ITGA3: variants seen among roughly 807,000 people sequenced by gnomAD.
The protein encoded by ITGA3 is integrin subunit alpha 3.
Under a neutral mutation model 131.1 loss-of-function variants are expected in ITGA3, and 70 were observed. The observed-to-expected ratio is 0.53, with a 90% CI of 0.44 to 0.65. The LOEUF is 0.65. ITGA3 is among the 30% of genes least tolerant of loss of function. ITGA3 has a pLI of 0.00. For synonymous variants in ITGA3, 537 were observed against 571.6 expected (o/e 0.94, Z 0.86); for missense variants, 1,098 against 1,388.6 (o/e 0.79, Z 3.33).
intron 3 of ITGA3, among the ~76,000 whole-genome samples, chr17:50,066,338 A>G (rs369131384): frequency 1.5e-5 from 2 of 137,640 alleles, no homozygotes; most frequent in African/African-American, 2.8e-5. Context: ...TTTTTCTCTT[A>G]GAGATGAGGT....
chr17:50,069,436 T>C (rs1179556763), intron 4 of ITGA3, among the ~76,000 whole-genome samples: 1 of 152,002 alleles, frequency 6.6e-6, no homozygotes, highest in Non-Finnish European at 1.5e-5. Flanking sequence ...AAAACTGAGG[T>C]GGGAGGATCA....
chr17:50,088,123 C>A, intron 24 of ITGA3, 102 bp from the exon 25 acceptor site: 1 of 1,423,888 alleles, frequency 7.0e-7, no homozygotes. Context: ...TGAGCCCCAG[C>A]CCCCAGGCTC....
At chr17:50,070,341 A>T (rs1350153092) in intron 4 of ITGA3, among the ~76,000 whole-genome samples, 1 of 152,086 alleles carries the variant, frequency 6.6e-6, no homozygotes, top group Non-Finnish European at 1.5e-5. Context: ...GTCATAATTT[A>T]ACCTCAAATA....
chr17:50,082,137 A>G (rs984658018), intron 23 of ITGA3, among the ~76,000 whole-genome samples: 1 of 151,592 alleles, frequency 6.6e-6, no homozygotes, highest in African/African-American at 2.4e-5. Flanking sequence ...ACAGCCATGT[A>G]CCACGATGCC....
chr17:50,071,147 G>A (rs766592990), intron 5 of ITGA3, among the ~76,000 whole-genome samples, 164 bp from the exon 6 acceptor site: 1 of 152,218 alleles, frequency 6.6e-6, no homozygotes, highest in Non-Finnish European at 1.5e-5. Flanking sequence ...AGGCAGAACT[G>A]GGCCATGGCT....
At position 50,074,126 on chromosome 17, in the gene ITGA3, A is replaced by C. The variant is rs1908767501; in HGVS notation, c.1246-18A>C. ...CTGCTCCCCAGAGCCTGCCCCCACCACTTTCCCCTGCCCCCAGGTAATCCA... is the reference window on the plus strand; with the variant it reads ...CTGCTCCCCAGAGCCTGCCCCCACCCCTTTCCCCTGCCCCCAGGTAATCCA... On this transcript the variant is annotated intron_variant, in intron 8 of 25. Transcript: ENST00000320031. 6.2e-7 allele frequency: 1 copy of C among 1,608,460 alleles called. No individual in the cohort carries two copies. Among genetic ancestry groups the C allele is most frequent in the African/African-American group, 1.4e-5 (1 of 74,048 alleles).
chr17:50,071,617 G>A (rs952367774), intron 6 of ITGA3, 99 bp downstream of exon 6: 42 of 1,139,630 alleles, frequency 3.7e-5, no homozygotes, highest in South Asian at 1.3e-4. Context: ...GCAGTTGTGC[G>A]GCTGTCTGCA....
chr17:50,059,457 G>A (rs931618880), intron 1 of ITGA3, among the ~76,000 whole-genome samples: 1 of 152,182 alleles, frequency 6.6e-6, no homozygotes, highest in Non-Finnish European at 1.5e-5. Flanking sequence ...CATGCCTGAG[G>A]TACGCAGGAG....
intron 12 of ITGA3, 58 bp downstream of exon 12, chr17:50,075,793 G>C: frequency 6.3e-7 from 1 of 1,584,128 alleles, no homozygotes; most frequent in Non-Finnish European, 8.6e-7. Flanking sequence ...GAGGTGGCCA[G>C]TGTCCCCCTA....
In ITGA3 at chr17:50,079,435, G is replaced by T. The variant is rs773041975; in HGVS notation, c.2584G>T (p.Asp862Tyr). The change falls in exon 21 of 26, where the codon GAC becomes TAC. Residue 862 changes from aspartate (D) to tyrosine (Y), a missense_variant and splice_region_variant. Asp to Tyr is a radical substitution (Grantham distance 160). Transcript: ENST00000320031. The stretch of plus-strand genomic sequence containing the variant: ...AGCAAATCTCCTATTTCCTCTCCAG[G>T]ACCCTGGGGACAGGCCATCATCCCC... ...LINPLNLTLS[D>Y]PGDRPSSPQR... 2 of 1,558,702 alleles carry T rather than the reference G, an allele frequency of 1.3e-6. No homozygotes were observed. Among genetic ancestry groups the T allele is most frequent in the Non-Finnish European group, 1.7e-6 (2 of 1,151,754 alleles).
At chr17:50,071,757 G>T in intron 6 of ITGA3, 1 of 618,920 alleles carries the variant, frequency 1.6e-6, no homozygotes, top group South Asian at 2.0e-5. Flanking sequence ...GATTGTTTGG[G>T]TTTGATTTGT....
chr17:50,060,707 G>A (rs1210325706), intron 1 of ITGA3, among the ~76,000 whole-genome samples: 1 of 152,028 alleles, frequency 6.6e-6, no homozygotes, highest in Non-Finnish European at 1.5e-5. Flanking sequence ...CCAGGAGAGG[G>A]GCAGTCCCAT....
chr17:50,084,166 A>C (rs1909292531), intron 23 of ITGA3, among the ~76,000 whole-genome samples: 1 of 146,266 alleles, frequency 6.8e-6, no homozygotes, highest in South Asian at 2.3e-4. Flanking sequence ...CCTAAGAGAG[A>C]AATGTAGTGA....
rs895125307 is a variant in ITGA3 at position 50,057,444 on chromosome 17, C to G, written c.206+799C>G. Among the ~76,000 whole-genome samples the G allele has an allele frequency of 2.6e-5, 4 of 152,252 alleles. No individual in the cohort carries two copies. In the South Asian group the frequency reaches 6.2e-4, roughly 24 times the overall value. ...ACAGCTGCAAGGAGGAGGGGAAGAG[C>G]TATGCACAGTGGAGGAAGGAGGAGG... On this transcript the variant is annotated intron_variant, in intron 1 of 25. Coordinates refer to ENST00000320031, the MANE Select transcript of ITGA3 (RefSeq NM_002204.4).
rs900022897 is a variant in ITGA3, at chr17:50,056,887, C to G, written c.206+242C>G. On this transcript the variant is annotated intron_variant, in intron 1 of 25. Coordinates refer to ENST00000320031, the MANE Select transcript of ITGA3 (RefSeq NM_002204.4). The surrounding 1 kb of genome is among the most constrained non-coding windows in gnomAD (Gnocchi z 5.6). Reference sequence around the variant, plus strand: ...CGCCACCCCTCCGCCCTTTAGATCTCTCATGAGAGCGGAAGTGGGGTCCCG... The same window carrying G: ...CGCCACCCCTCCGCCCTTTAGATCTGTCATGAGAGCGGAAGTGGGGTCCCG... 2.6e-5 allele frequency among the ~76,000 whole-genome samples: 4 copies of G among 152,124 alleles called. No homozygotes were observed. The highest frequency in any genetic ancestry group is 9.7e-5 in the African/African-American group (4 of 41,422).
Position 50,088,514 on chromosome 17 carries a change from C to A in ITGA3, c.*31+148C>A. 3 of 578,374 alleles carry A rather than the reference C, an allele frequency of 5.2e-6. No homozygotes were observed. The South Asian group carries it at 6.0e-5, about 12-fold the overall frequency. 35.8% of individuals were successfully genotyped at this position (578,374 alleles called of 1,614,324 possible). A position where few individuals can be genotyped will look rare whatever the true frequency, so the allele number is the denominator to read the frequency against. ...CAAAGATCAGGTCACTCTGACTGTC[C>A]CTCCAGCCCCCTGGGTGTCTGGCTT... On this transcript the variant is annotated intron_variant, in intron 25 of 25. Coordinates refer to ENST00000320031, the MANE Select transcript of ITGA3 (RefSeq NM_002204.4).
Position 50,085,562 on chromosome 17 carries a change from G to A in ITGA3, c.2920-2182G>A, listed in dbSNP as rs372609738. Among the ~76,000 whole-genome samples, 41 of 151,762 alleles carry A rather than the reference G, an allele frequency of 2.7e-4. No individual in the cohort carries two copies. The South Asian group carries it at 5.0e-3, about 18-fold the overall frequency. Reference sequence around the variant, plus strand: ...ACCTGTAATCTCAGAAACTCAGGAGGCTGAGGCAGGAGAATTGCTTGAGCC... The same window carrying A: ...ACCTGTAATCTCAGAAACTCAGGAGACTGAGGCAGGAGAATTGCTTGAGCC... On this transcript the variant is annotated intron_variant, in intron 23 of 25. Coordinates refer to ENST00000320031, the MANE Select transcript of ITGA3 (RefSeq NM_002204.4).
chr17:50,060,301 G>A (rs59351594), intron 1 of ITGA3, among the ~76,000 whole-genome samples: 28,040 of 152,206 alleles, frequency 0.18, 3,375 homozygotes, highest in East Asian at 0.35. Flanking sequence ...CCTCCCTGAG[G>A]TGACAGAATC....
intron 23 of ITGA3, among the ~76,000 whole-genome samples, chr17:50,082,778 A>G (rs914666306): frequency 2.0e-5 from 3 of 152,218 alleles, no homozygotes; most frequent in Non-Finnish European, 4.4e-5. Context: ...AGCATCTGGG[A>G]ATAAATATAA....
Sources: allele counts gnomAD v4.1 joint callset (sites outside exome capture counted in the v4.1 genomes callset), GRCh38; gene constraint gnomAD v4.1.1; non-coding constraint Gnocchi (gnomAD v3.1); transcripts MANE v1.5; gene names NCBI Gene and HGNC (gene_info 2026-07-23, HGNC 2026-07-21).